NFIB: variants seen among roughly 807,000 people sequenced by gnomAD.
The protein encoded by NFIB is nuclear factor 1 B-type.
In NFIB, 11 loss-of-function variants were observed where a neutral mutation model predicts 61.5. That is an observed-to-expected ratio of 0.18 (90% CI 0.11 to 0.30). The LOEUF (loss-of-function observed/expected upper bound fraction) is 0.30, where lower values mean the gene tolerates loss of function less well. Among genes scored for constraint, NFIB ranks in the 10% least tolerant of loss-of-function variants. The pLI is 1.00. For synonymous variants in NFIB, 260 were observed against 216.5 expected (o/e 1.20, Z -1.76); for missense variants, 471 against 608.9 (o/e 0.77, Z 2.38).
chr9:14,330,494 A>C (rs1189431065), intron 1 of NFIB, among the ~76,000 whole-genome samples: 1 of 152,220 alleles, frequency 6.6e-6, no homozygotes, highest in East Asian at 1.9e-4. Flanking sequence ...ACCGTGTTTT[A>C]ATAAATCCAT....
chr9:14,184,194 A>C (rs1015904693), intron 2 of NFIB, among the ~76,000 whole-genome samples: 2 of 152,206 alleles, frequency 1.3e-5, no homozygotes, highest in Non-Finnish European at 2.9e-5. Flanking sequence ...GTTGCATAGC[A>C]ACTATTAAAA....
chr9:14,342,701 T>C (rs571322127), intron 1 of NFIB, among the ~76,000 whole-genome samples: 12 of 152,242 alleles, frequency 7.9e-5, no homozygotes, highest in South Asian at 2.1e-4. Flanking sequence ...ATTCAAACCA[T>C]GTGTGTCTGA....
chr9:14,316,694 C>CAG (rs201209286), upstream of NFIB, among the ~76,000 whole-genome samples: 973 of 152,266 alleles, frequency 6.4e-3, 8 homozygotes, highest in African/African-American at 0.022. Flanking sequence ...CACACACACA[C>CAG]AGAGAAACCA....
chr9:14,137,670 A>G (rs1378519590), intron 6 of NFIB, among the ~76,000 whole-genome samples: 1 of 152,190 alleles, frequency 6.6e-6, no homozygotes, highest in Non-Finnish European at 1.5e-5. Flanking sequence ...ACTAGGCTTA[A>G]GGCAAAAAGA....
chr9:14,266,684 C>T (rs886551218), intron 2 of NFIB, among the ~76,000 whole-genome samples: 1 of 151,998 alleles, frequency 6.6e-6, no homozygotes, highest in Non-Finnish European at 1.5e-5. Flanking sequence ...TTTTGTGGCC[C>T]ATCTCAGCAT....
the NFIB span, among the ~76,000 whole-genome samples, chr9:14,523,196 G>A: frequency 6.6e-6 from 1 of 152,058 alleles, no homozygotes; most frequent in Non-Finnish European, 1.5e-5. Flanking sequence ...TCGGGCTCTG[G>A]AGATTGGGCT....
chr9:14,297,563 A>G (rs1042975344), intron 2 of NFIB, among the ~76,000 whole-genome samples: 2 of 152,202 alleles, frequency 1.3e-5, no homozygotes, highest in African/African-American at 4.8e-5. Flanking sequence ...CTCACCTGCT[A>G]TTTTCAGATA....
the NFIB span, among the ~76,000 whole-genome samples, chr9:14,489,563 A>G: frequency 0.012 from 1,752 of 152,274 alleles, 33 homozygotes; most frequent in African/African-American, 0.04. Context: ...ATGAAGCTAC[A>G]CAAAAGAAGG....
chr9:14,511,827 G>T, the NFIB span, among the ~76,000 whole-genome samples: 1 of 152,152 alleles, frequency 6.6e-6, no homozygotes, highest in African/African-American at 2.4e-5. Context: ...TGATAAGTCA[G>T]AATATGTTTC....
chr9:14,295,650 A>AAACC (rs1376277616), intron 2 of NFIB, among the ~76,000 whole-genome samples: 1 of 151,898 alleles, frequency 6.6e-6, no homozygotes, highest in Non-Finnish European at 1.5e-5. Context: ...ACAAACAAAC[A>AAACC]AACAAACAAA....
chr9:14,241,426 AATT>A (rs2054336043), intron 2 of NFIB, among the ~76,000 whole-genome samples: 1 of 152,216 alleles, frequency 6.6e-6, no homozygotes, highest in African/African-American at 2.4e-5. Context: ...TAGCTGCATG[AATT>A]ATTAATTTTC....
chr9:14,386,793 TA>T (rs1264051625), intron 1 of NFIB, among the ~76,000 whole-genome samples: 1 of 152,204 alleles, frequency 6.6e-6, no homozygotes, highest in Non-Finnish European at 1.5e-5. Flanking sequence ...GGAATATTTT[TA>T]AATGTAGAAA....
In NFIB at chr9:14,083,581, T is replaced by C. The variant is rs1019312256; in HGVS notation, c.*4728A>G. ...TTAACAAAAGACCTTGACAGGAACA[T>C]GTAAACTATATTGAATGTCATGCTT... On this transcript the variant is annotated 3_prime_UTR_variant, in exon 11 of 11. Coordinates refer to ENST00000380953, the MANE Select transcript of NFIB (RefSeq NM_001190737.2). The C allele has an allele frequency of 2.2e-5, 5 of 226,032 alleles. No homozygotes were observed. The highest frequency in any genetic ancestry group is 5.7e-5 in the Admixed American group (1 of 17,466). The allele number at this position is 226,032 out of a possible 1,614,324, so 14.0% of individuals were successfully genotyped here.
chr9:14,238,829 TATAA>T (rs2054066951), intron 2 of NFIB, among the ~76,000 whole-genome samples: 1 of 152,176 alleles, frequency 6.6e-6, no homozygotes, highest in African/African-American at 2.4e-5. Flanking sequence ...CCAACCGAGA[TATAA>T]ATCTGTGGGC....
At chr9:14,386,521 A>C (rs1216532986) in intron 1 of NFIB, among the ~76,000 whole-genome samples, 2 of 152,166 alleles carry the variant, frequency 1.3e-5, no homozygotes, top group African/African-American at 4.8e-5. Context: ...CACCACAATA[A>C]TTCCCACATT....
At chr9:14,404,569 C>T in the NFIB span, among the ~76,000 whole-genome samples, 5 of 152,170 alleles carry the variant, frequency 3.3e-5, no homozygotes. Context: ...TATTTGGAGA[C>T]TCTCTCACCT....
At chr9:14,180,855 C>G (rs1294790568) in intron 2 of NFIB, 1 of 152,144 alleles carries the variant, frequency 6.6e-6, no homozygotes, top group Non-Finnish European at 1.5e-5. Flanking sequence ...CTCCAGCAGC[C>G]TCTTTGCTTG....
intron 2 of NFIB, among the ~76,000 whole-genome samples, chr9:14,211,211 T>G (rs1355146085): frequency 6.6e-6 from 1 of 152,218 alleles, no homozygotes; most frequent in East Asian, 1.9e-4. Flanking sequence ...ATAGTTTTTC[T>G]GTGTGATTAA....
At chr9:14,098,248 C>T (rs1472398027) in intron 10 of NFIB, among the ~76,000 whole-genome samples, 5 of 152,074 alleles carry the variant, frequency 3.3e-5, no homozygotes, top group Admixed American at 2.0e-4. Context: ...TTATTTTAGC[C>T]ATCTGAAGAC....
Sources: gnomAD v4.1 joint callset for allele counts (sites outside exome capture counted in the v4.1 genomes callset) on GRCh38, gnomAD v4.1.1 for gene constraint, MANE v1.5 for transcripts, NCBI Gene and HGNC (gene_info 2026-07-23, HGNC 2026-07-21) for gene names.